Variants in STAM2 observed in about 807,000 individuals in gnomAD.
The protein encoded by STAM2 is signal transducing adaptor molecule 2.
Under a neutral mutation model 65.6 loss-of-function variants are expected in STAM2, and 51 were observed. The observed-to-expected ratio is 0.78, with a 90% CI of 0.62 to 0.98. The LOEUF (loss-of-function observed/expected upper bound fraction) is 0.98, where lower values mean the gene tolerates loss of function less well. STAM2 is among the 50% of genes least tolerant of loss of function. The pLI, the probability that STAM2 is intolerant of heterozygous loss-of-function variation, is 0.00. For missense variants in STAM2, 584 were observed against 617.8 expected (o/e 0.95, Z 0.58); for synonymous variants, 198 against 208.4 (o/e 0.95, Z 0.43).
At chr2:152,131,850 C>A (rs945858976) in intron 11 of STAM2, 23 of 417,148 alleles carry the variant, frequency 5.5e-5, no homozygotes, top group Non-Finnish European at 9.4e-5. Context: ...TCTAATATCA[C>A]TAGAAGCATG....
chr2:152,143,621 A>G (rs754250551), intron 7 of STAM2, among the ~76,000 whole-genome samples: 1 of 152,254 alleles, frequency 6.6e-6, no homozygotes, highest in Non-Finnish European at 1.5e-5. Flanking sequence ...CATCCAAGAT[A>G]TAAATTATCA....
chr2:152,145,095 A>C (rs894794367), intron 5 of STAM2, 138 bp from the exon 6 acceptor site: 2 of 691,158 alleles, frequency 2.9e-6, no homozygotes, highest in Non-Finnish European at 5.0e-6. Flanking sequence ...TTTTTGAGAC[A>C]GGGTCTCATT....
In STAM2 at chr2:152,132,164, G is replaced by A. The variant is rs376823131; in HGVS notation, c.975C>T (p.Ile325=). ...CTATCATTGGACCCATCTGTTGGCA[G>A]ATATCTGTAAATACAAAAATACTTA... ...DSQDLLDLED[I]CQQMGPMIDE... The change falls in exon 11 of 14, where the codon ATC becomes ATT. Residue 325 remains isoleucine, a synonymous_variant. Transcript: ENST00000263904. 4 of 1,608,408 alleles carry A rather than the reference G, an allele frequency of 2.5e-6. No individual in the cohort carries two copies. Among genetic ancestry groups the A allele is most frequent in the Non-Finnish European group, 2.5e-6 (3 of 1,177,270 alleles).
chr2:152,121,433 C>T (rs1177143736), intron 13 of STAM2, among the ~76,000 whole-genome samples: 1 of 152,120 alleles, frequency 6.6e-6, no homozygotes, highest in Non-Finnish European at 1.5e-5. Flanking sequence ...ACAGAAGTAC[C>T]CTTGGCCATT....
chr2:152,144,578 C>T (rs575781431), intron 6 of STAM2, among the ~76,000 whole-genome samples: 3 of 152,284 alleles, frequency 2.0e-5, no homozygotes, highest in South Asian at 2.1e-4. Context: ...CTCACTCCAT[C>T]GCCAGGCTGG....
At chr2:152,174,635 C>T (rs1023108362) in intron 1 of STAM2, among the ~76,000 whole-genome samples, 2 of 152,080 alleles carry the variant, frequency 1.3e-5, no homozygotes, top group African/African-American at 4.8e-5. Context: ...TGAGTCTCCC[C>T]GCCCCAACCC....
chr2:152,128,767 T>A (rs905845714), intron 11 of STAM2, among the ~76,000 whole-genome samples: 1 of 152,216 alleles, frequency 6.6e-6, no homozygotes, highest in African/African-American at 2.4e-5. Context: ...GGAGTCAATT[T>A]ACATGTTTAC....
intron 1 of STAM2, 25 bp downstream of exon 1, chr2:152,175,578 G>A (rs369842805): frequency 6.2e-7 from 1 of 1,614,002 alleles, no homozygotes; most frequent in Non-Finnish European, 8.5e-7. Context: ...GCACACAGCA[G>A]TCCAGGACCG....
chr2:152,148,081 A>G lies in STAM2; in HGVS notation c.243T>C (p.His81=), dbSNP rs933899622. 3 of 1,611,252 alleles carry G rather than the reference A, an allele frequency of 1.9e-6. No individual in the cohort carries two copies. Among genetic ancestry groups the G allele is most frequent in the Non-Finnish European group, 2.5e-6 (3 of 1,178,574 alleles). ...CAAAATCACGGGAACATACTTCTAA[A>G]TGAAATATCTTTCCACAGTTTGCCA... ...ACVANCGKIF[H]LEVCSRDFAT... Residue 81 remains histidine (H), a synonymous_variant, in exon 4 of 14, where the codon CAT becomes CAC. Coordinates refer to ENST00000263904, the MANE Select transcript of STAM2 (RefSeq NM_005843.6).
intron 1 of STAM2, among the ~76,000 whole-genome samples, chr2:152,154,943 TA>T (rs1689514283): frequency 6.6e-6 from 1 of 151,278 alleles, no homozygotes. Flanking sequence ...TTGTTATACT[TA>T]TTGGTATCTT....
intron 13 of STAM2, among the ~76,000 whole-genome samples, chr2:152,123,070 TAA>T (rs57855439): frequency 1.4e-5 from 2 of 141,264 alleles, no homozygotes; most frequent in African/African-American, 2.6e-5. Flanking sequence ...GACCTTGTCT[TAA>T]AAAAAAAAAA....
rs575009275 is a variant in STAM2 at position 152,159,110 on chromosome 2, T to TATATATATATATATAC, written c.41-8882_41-8881insGTATATATATATATAT. On this transcript the variant is annotated intron_variant, in intron 1 of 13. Coordinates refer to ENST00000263904, the MANE Select transcript of STAM2 (RefSeq NM_005843.6). Reference sequence around the variant, plus strand: ...AAAAAAAACCATATATATATATATATACACACACAGATATATATAATTTTT... The same window carrying TATATATATATATATAC: ...AAAAAAAACCATATATATATATATATATATATATATATATACACACACACAGATATATATAATTTTT... 2.0e-3 allele frequency among the ~76,000 whole-genome samples: 254 copies of TATATATATATATATAC among 129,230 alleles called. 7 individuals are homozygous for TATATATATATATATAC. The East Asian group carries it at 0.022, about 11-fold the overall frequency. 84.8% of individuals were successfully genotyped at this position (129,230 alleles called of 152,430 possible).
Position 152,123,857 on chromosome 2 carries a change from G to C in STAM2, c.1258C>G (p.Leu420Val), listed in dbSNP as rs775646346. 1.2e-6 allele frequency: 2 copies of C among 1,614,048 alleles called. No individual in the cohort carries two copies. Among genetic ancestry groups the C allele is most frequent in the South Asian group, 2.2e-5 (2 of 91,084 alleles). ...HQVTVAQSYSLGPDQIGPLRS... is the reference protein window; with the variant it reads ...HQVTVAQSYSVGPDQIGPLRS... Reference sequence around the variant, plus strand: ...AGTGGACCAATTTGATCGGGTCCTAGGCTATAGCTTTGGGCAACAGTTACT... The same window carrying C: ...AGTGGACCAATTTGATCGGGTCCTACGCTATAGCTTTGGGCAACAGTTACT... Residue 420 changes from leucine to valine, a missense_variant, in exon 13 of 14, where the codon CTA (leucine) becomes GTA (valine). Leu to Val is a conservative substitution (Grantham distance 32). Coordinates refer to ENST00000263904, the MANE Select transcript of STAM2 (RefSeq NM_005843.6).
Position 152,122,898 on chromosome 2 carries a change from T to A in STAM2, c.1349+868A>T, listed in dbSNP as rs190199183. On this transcript the variant is annotated intron_variant, in intron 13 of 13. Transcript: ENST00000263904. The stretch of plus-strand genomic sequence containing the variant: ...CTGGGCAACATGGCGAAACCCCACC[T>A]TGACAAAAAAATACAAAAATTAGCA... Among the ~76,000 whole-genome samples, 286 of 151,996 alleles carry A rather than the reference T, an allele frequency of 1.9e-3. 2 individuals carry two copies. Among genetic ancestry groups the A allele is most frequent in the African/African-American group, 6.3e-3 (261 of 41,470 alleles).
rs1227364276 is a variant in STAM2, at chr2:152,117,783, G to A, written c.*2791C>T. 1 of 151,882 alleles carries A rather than the reference G, an allele frequency of 6.6e-6. No homozygotes were observed. The highest frequency in any genetic ancestry group is 1.5e-5 in the Non-Finnish European group (1 of 67,928). The allele number at this position is 151,882 out of a possible 1,614,324, so 9.4% of individuals were successfully genotyped here. ...ATATGTTTTTAAAACATTTAAAATT[G>A]ATTTTTTAAATTTTGAAAGTGAAAT... On this transcript the variant is annotated 3_prime_UTR_variant, in exon 14 of 14. Transcript: ENST00000263904.
chr2:152,123,084 C>CTT (rs1010666493), intron 13 of STAM2, among the ~76,000 whole-genome samples: 47 of 150,184 alleles, frequency 3.1e-4, no homozygotes, highest in African/African-American at 1.1e-3. Context: ...AAAAAAAAAA[C>CTT]TTGGCCAGGC....
chr2:152,139,347 T>C (rs1036795222), intron 7 of STAM2, among the ~76,000 whole-genome samples: 1 of 152,018 alleles, frequency 6.6e-6, no homozygotes, highest in African/African-American at 2.4e-5. Flanking sequence ...ATGGAGAAAA[T>C]AGTACCTTCA....
At chr2:152,162,202 A>G (rs971629384) in intron 1 of STAM2, among the ~76,000 whole-genome samples, 3 of 152,250 alleles carry the variant, frequency 2.0e-5, no homozygotes, top group Non-Finnish European at 1.5e-5. Flanking sequence ...ATTAAAAACA[A>G]TAATAGCAAT....
At chr2:152,160,149 A>G (rs1689635432) in intron 1 of STAM2, among the ~76,000 whole-genome samples, 1 of 150,972 alleles carries the variant, frequency 6.6e-6, no homozygotes. Flanking sequence ...CCCGGCCGCC[A>G]CCCCGTCGGG....
Sources: allele counts gnomAD v4.1 joint callset (sites outside exome capture counted in the v4.1 genomes callset), GRCh38; gene constraint gnomAD v4.1.1; transcripts MANE v1.5; gene names NCBI Gene and HGNC (gene_info 2026-07-23, HGNC 2026-07-21).